KCNMA1: variants seen among roughly 807,000 people sequenced by gnomAD.
KCNMA1 encodes the protein Calcium-activated potassium channel subunit alpha-1.
KCNMA1 carries 29 observed loss-of-function variants against 140.0 expected under a neutral mutation model. The ratio of observed to expected loss-of-function variants is 0.21; its 90% confidence interval spans 0.15 to 0.28. The LOEUF (loss-of-function observed/expected upper bound fraction) is 0.28, where lower values mean the gene tolerates loss of function less well. Ranked by LOEUF, KCNMA1 falls within the 10% of genes least tolerant of loss-of-function variation. The pLI, the probability that KCNMA1 is intolerant of heterozygous loss-of-function variation, is 1.00. For missense variants in KCNMA1, 880 were observed against 1,602.2 expected (o/e 0.55, Z 7.70); for synonymous variants, 612 against 611.9 (o/e 1.00, Z 0.00).
chr10:76,953,460 TAC>T (rs1278370231), intron 21 of KCNMA1, among the ~76,000 whole-genome samples: 1 of 152,122 alleles, frequency 6.6e-6, no homozygotes, highest in Non-Finnish European at 1.5e-5. Flanking sequence ...TCAAATGAAT[TAC>T]CCAAGCCATG....
chr10:77,579,595 AC>A (rs1210623836), intron 1 of KCNMA1, among the ~76,000 whole-genome samples: 1 of 152,218 alleles, frequency 6.6e-6, no homozygotes, highest in African/African-American at 2.4e-5. Flanking sequence ...CATGGACTAT[AC>A]AAAAAGAAGT....
chr10:77,303,336 T>C (rs561599764), intron 2 of KCNMA1, among the ~76,000 whole-genome samples: 8 of 152,242 alleles, frequency 5.3e-5, no homozygotes, highest in African/African-American at 1.9e-4. Context: ...ATGCATTATC[T>C]CATAAAGGAT....
chr10:76,920,573 T>C (rs1332680063), intron 23 of KCNMA1, among the ~76,000 whole-genome samples: 1 of 152,224 alleles, frequency 6.6e-6, no homozygotes, highest in East Asian at 1.9e-4. Flanking sequence ...ATGGGCCACC[T>C]TGTTTATTCC....
intron 5 of KCNMA1, among the ~76,000 whole-genome samples, chr10:77,173,158 T>G (rs2098723297): frequency 6.6e-6 from 1 of 152,210 alleles, no homozygotes; most frequent in Non-Finnish European, 1.5e-5. Flanking sequence ...TTGTTTTTAT[T>G]TATTTGGCTA....
Position 76,885,047 on chromosome 10 carries a change from T to C in KCNMA1, c.*2219A>G. 6.5e-7 allele frequency: 1 copy of C among 1,547,292 alleles called. No individual in the cohort carries two copies. The highest frequency in any genetic ancestry group is 8.7e-7 in the Non-Finnish European group (1 of 1,145,616). Reference sequence around the variant, plus strand: ...AGAGAGAGAAGTAAGCTATGTGAGTTTTACAATGCTTTTAAACTGTCATAT... The same window carrying C: ...AGAGAGAGAAGTAAGCTATGTGAGTCTTACAATGCTTTTAAACTGTCATAT... On this transcript the variant is annotated 3_prime_UTR_variant, in exon 28 of 28. Coordinates refer to ENST00000286628, the MANE Select transcript of KCNMA1 (RefSeq NM_001161352.2).
chr10:77,135,998 T>C (rs971575203), intron 5 of KCNMA1, among the ~76,000 whole-genome samples: 7 of 152,240 alleles, frequency 4.6e-5, no homozygotes. Flanking sequence ...ACTGTATTTA[T>C]TCTACTTAAT....
At chr10:76,997,702 T>C (rs1244363981) in intron 19 of KCNMA1, among the ~76,000 whole-genome samples, 2 of 152,226 alleles carry the variant, frequency 1.3e-5, no homozygotes, top group South Asian at 2.1e-4. Flanking sequence ...TCTACTTCTA[T>C]ATTTATGTGC....
intron 2 of KCNMA1, among the ~76,000 whole-genome samples, chr10:77,276,740 A>G (rs1452824338): frequency 6.6e-6 from 1 of 152,170 alleles, no homozygotes; most frequent in Non-Finnish European, 1.5e-5. Flanking sequence ...CTAATCACAC[A>G]ATATATTTAT....
At chr10:77,545,617 C>G (rs754844394) in intron 1 of KCNMA1, among the ~76,000 whole-genome samples, 154 of 152,200 alleles carry the variant, frequency 1.0e-3, no homozygotes, top group Admixed American at 1.8e-3. Context: ...AGGTGCCCCC[C>G]GGGCCCTGCC....
At chr10:77,231,668 T>A (rs1420749995) in intron 3 of KCNMA1, among the ~76,000 whole-genome samples, 1 of 147,282 alleles carries the variant, frequency 6.8e-6, no homozygotes, top group African/African-American at 2.7e-5. Context: ...GCCTCCAGCA[T>A]GTGCTCACAC....
chr10:77,432,911 G>C (rs1474320078), intron 1 of KCNMA1, among the ~76,000 whole-genome samples: 1 of 152,168 alleles, frequency 6.6e-6, no homozygotes. Context: ...GGAAGGGACT[G>C]AGTGAGGGTG....
At chr10:77,437,334 G>A (rs2097286853) in intron 1 of KCNMA1, among the ~76,000 whole-genome samples, 1 of 152,162 alleles carries the variant, frequency 6.6e-6, no homozygotes, top group Admixed American at 6.5e-5. Context: ...AGGAAGTTCG[G>A]TTAAAATATA....
rs78973201 is a variant in KCNMA1, at chr10:77,529,299, T to C, written c.378+107966A>G. On this transcript the variant is annotated intron_variant, in intron 1 of 27. Coordinates refer to ENST00000286628, the MANE Select transcript of KCNMA1 (RefSeq NM_001161352.2). Reference sequence around the variant, plus strand: ...CACCTCTGGGCCTTTCCTGTGCTATTCCCTCTGCCAGGAGTGCAGCCCCTG... The same window carrying C: ...CACCTCTGGGCCTTTCCTGTGCTATCCCCTCTGCCAGGAGTGCAGCCCCTG... Among the ~76,000 whole-genome samples the C allele has an allele frequency of 8.9e-3, 1,354 of 151,898 alleles. 13 individuals carry two copies. The highest frequency in any genetic ancestry group is 0.051 in the East Asian group (260 of 5,098).
At chr10:77,420,200 T>C (rs1275773722) in intron 1 of KCNMA1, among the ~76,000 whole-genome samples, 1 of 152,202 alleles carries the variant, frequency 6.6e-6, no homozygotes, top group Non-Finnish European at 1.5e-5. Context: ...CATGAAGCAA[T>C]CAGGAGTCTA....
At chr10:76,939,598 T>G (rs901943560) in intron 23 of KCNMA1, 1 of 152,276 alleles carries the variant, frequency 6.6e-6, no homozygotes, top group African/African-American at 2.4e-5. Flanking sequence ...CCAAGCAACC[T>G]TTGGTCACCT....
chr10:76,927,401 T>C (rs984979971), intron 23 of KCNMA1, among the ~76,000 whole-genome samples: 15 of 152,172 alleles, frequency 9.9e-5, no homozygotes, highest in Admixed American at 2.6e-4. Flanking sequence ...TACATAACGA[T>C]GGGACTCTCA....
intron 23 of KCNMA1, among the ~76,000 whole-genome samples, chr10:76,938,638 A>C (rs1345014141): frequency 1.3e-5 from 2 of 152,136 alleles, no homozygotes; most frequent in Non-Finnish European, 1.5e-5. Context: ...CAGCTTCCTA[A>C]CTCATAAACA....
chr10:77,423,671 C>T (rs1039252552), intron 1 of KCNMA1, among the ~76,000 whole-genome samples: 2 of 152,114 alleles, frequency 1.3e-5, no homozygotes, highest in Admixed American at 6.5e-5. Flanking sequence ...CCAATCCATG[C>T]CAACCCAGGG....
chr10:77,591,912 C>G (rs1172583569), intron 1 of KCNMA1, among the ~76,000 whole-genome samples: 1 of 152,212 alleles, frequency 6.6e-6, no homozygotes, highest in African/African-American at 2.4e-5. Context: ...TCCAGCCCAA[C>G]TGCCCATCAA....
Sources: gnomAD v4.1 joint callset for allele counts (sites outside exome capture counted in the v4.1 genomes callset) on GRCh38, gnomAD v4.1.1 for gene constraint, MANE v1.5 for transcripts, NCBI Gene and HGNC (gene_info 2026-07-23, HGNC 2026-07-21) for gene names.